BHMT: variants seen among roughly 807,000 people sequenced by gnomAD.
The protein encoded by BHMT is betaine--homocysteine S-methyltransferase 1.
BHMT carries 38 observed loss-of-function variants against 49.5 expected under a neutral mutation model. The ratio of observed to expected loss-of-function variants is 0.77; its 90% CI spans 0.59 to 1.01. The LOEUF (loss-of-function observed/expected upper bound fraction) is 1.01. Among genes scored for constraint, BHMT ranks in the 50% least tolerant of loss-of-function variants. The pLI is 0.00. For missense variants in BHMT, 426 were observed against 495.7 expected, an observed-to-expected ratio of 0.86 and a Z score of 1.34; for synonymous variants, 166 against 176.3, an observed-to-expected ratio of 0.94 and a Z score of 0.46.
chr5:79,128,098 A>T, intron 7 of BHMT, 115 bp downstream of exon 7: 1 of 1,265,492 alleles, frequency 7.9e-7, no homozygotes, highest in Non-Finnish European at 1.1e-6. Flanking sequence ...GTCATCCCCA[A>T]ATTCTCTCCC....
rs754922928 is a variant in BHMT, at chr5:79,131,116, G to T, written c.1221G>T (p.Ter407TyrextTer3). ...LFEKQKFKSQ[*>Y] ...AAAAACAAAAATTCAAATCACAGTAGCCTCGATAGAAGCTATTTTTGATGA... is the reference window on the plus strand; with the variant it reads ...AAAAACAAAAATTCAAATCACAGTATCCTCGATAGAAGCTATTTTTGATGA... Residue 407 changes from the stop codon to tyrosine, a stop_lost, in exon 8 of 8, where the codon TAG (stop) becomes TAT (tyrosine). Transcript: ENST00000274353. The T allele has an allele frequency of 5.0e-6, 8 of 1,608,138 alleles. No homozygotes were observed. In the Admixed American group the frequency reaches 8.5e-5, roughly 17 times the overall value.
chr5:79,123,274 G>A (rs1756500176), intron 5 of BHMT, among the ~76,000 whole-genome samples: 1 of 152,054 alleles, frequency 6.6e-6, no homozygotes, highest in African/African-American at 2.4e-5. Flanking sequence ...GGGGAGTGAG[G>A]CCTACTTGGA....
At position 79,131,004 on chromosome 5, in the gene BHMT, C is replaced by CTGGGG. The variant is rs1244741166; in HGVS notation, c.1109_1110insTGGGG (p.Asp371GlyfsTer7). The CTGGGG allele has an allele frequency of 4.3e-6, 7 of 1,613,946 alleles. No individual in the cohort carries two copies. The South Asian group carries it at 6.6e-5, about 15-fold the overall frequency. ...CCATACAACCCTTCAATGTCAAAGC[C>CTGGGG]AGATGGCTGGGGAGTGACCAAAGGA... is the stretch of plus-strand genomic sequence containing the variant. On this transcript the variant is annotated frameshift_variant, in exon 8 of 8. Coordinates refer to ENST00000274353, the MANE Select transcript of BHMT (RefSeq NM_001713.3). LOFTEE classifies it high-confidence loss of function.
intron 2 of BHMT, among the ~76,000 whole-genome samples, chr5:79,117,726 C>G (rs2112724281): frequency 6.6e-6 from 1 of 152,306 alleles, no homozygotes; most frequent in East Asian, 1.9e-4. Context: ...ATTTCCTAGC[C>G]TGTCATATAG....
intron 7 of BHMT, chr5:79,128,200 G>C (rs1756581300): frequency 1.5e-6 from 1 of 676,808 alleles, no homozygotes; most frequent in Non-Finnish European, 2.3e-6. Context: ...ATTTTGAAAA[G>C]AAAAAGAAAA....
Position 79,111,821 on chromosome 5 carries a change from C to A in BHMT, c.-65C>A. The A allele has an allele frequency of 6.2e-7, 1 of 1,600,600 alleles. No individual in the cohort carries two copies. The highest frequency in any genetic ancestry group is 1.1e-5 in the South Asian group (1 of 89,310). On this transcript the variant is annotated 5_prime_UTR_variant, in exon 1 of 8. Coordinates refer to ENST00000274353, the MANE Select transcript of BHMT (RefSeq NM_001713.3). ...GCGGACTCGGAGCAGCTCGGGGCTG[C>A]GCAGCGGGAAGGCTCGCCTAGTCGG...
chr5:79,121,672 G>T (rs1053802994), intron 5 of BHMT, among the ~76,000 whole-genome samples: 4 of 151,468 alleles, frequency 2.6e-5, no homozygotes, highest in African/African-American at 9.7e-5. Context: ...AAAATTAGCC[G>T]GGACTGGTGG....
At chr5:79,125,339 C>G (rs1281390199) in intron 5 of BHMT, among the ~76,000 whole-genome samples, 2 of 151,552 alleles carry the variant, frequency 1.3e-5, no homozygotes, top group African/African-American at 4.9e-5. Context: ...GCCTATAGTC[C>G]CAGCTACTCA....
chr5:79,126,277 A>T, intron 6 of BHMT, 49 bp downstream of exon 6: 2 of 1,578,514 alleles, frequency 1.3e-6, no homozygotes, highest in Non-Finnish European at 1.7e-6. Flanking sequence ...TTTGATATGC[A>T]TATAAACTCA....
Position 79,131,060 on chromosome 5 carries a change from A to G in BHMT, c.1165A>G (p.Thr389Ala). ...CGAGCTGATGCAGCAGAAAGAAGCC[A>G]CAACTGAGCAGCAGCTGAAAGAGCT... is the stretch of plus-strand genomic sequence containing the variant. ...TAELMQQKEA[T>A]TEQQLKELFE... Residue 389 changes from threonine (T) to alanine (A), a missense_variant, in exon 8 of 8, where the codon ACA becomes GCA. Coordinates refer to ENST00000274353, the MANE Select transcript of BHMT (RefSeq NM_001713.3). 2 of 1,613,938 alleles carry G rather than the reference A, an allele frequency of 1.2e-6. No individual in the cohort carries two copies. Among genetic ancestry groups the G allele is most frequent in the South Asian group, 2.2e-5 (2 of 91,048 alleles).
intron 1 of BHMT, among the ~76,000 whole-genome samples, chr5:79,112,261 G>C (rs974816604): frequency 1.3e-5 from 2 of 152,206 alleles, no homozygotes; most frequent in African/African-American, 4.8e-5. Flanking sequence ...CCTGACGGCT[G>C]GGTGTCCCCA....
At chr5:79,112,098 G>A (rs1756310623) in intron 1 of BHMT, among the ~76,000 whole-genome samples, 180 bp downstream of exon 1, 1 of 152,050 alleles carries the variant, frequency 6.6e-6, no homozygotes, top group Non-Finnish European at 1.5e-5. Context: ...AGGACCCCAA[G>A]GCGCCTCTGA....
intron 7 of BHMT, among the ~76,000 whole-genome samples, chr5:79,129,321 G>A (rs1756601038): frequency 6.6e-6 from 1 of 152,194 alleles, no homozygotes; most frequent in South Asian, 2.1e-4. Context: ...GAGAGAGGGT[G>A]AATGAAGGAT....
chr5:79,128,113 A>G, intron 7 of BHMT, 130 bp downstream of exon 7: 1 of 1,122,698 alleles, frequency 8.9e-7, no homozygotes, highest in Non-Finnish European at 1.3e-6. Flanking sequence ...TCTCCCAGAG[A>G]TGTTTACAAA....
intron 2 of BHMT, among the ~76,000 whole-genome samples, chr5:79,118,803 G>A (rs2112725135): frequency 6.6e-6 from 1 of 152,288 alleles, no homozygotes; most frequent in East Asian, 1.9e-4. Context: ...CAGCTCAAAT[G>A]ATTCCTCATC....
chr5:79,121,486 G>C (rs1415633239), intron 5 of BHMT, 121 bp downstream of exon 5: 19 of 1,323,798 alleles, frequency 1.4e-5, no homozygotes, highest in Admixed American at 2.8e-5. Context: ...ATTTATTTTT[G>C]TAAGAATATT....
At chr5:79,123,852 C>G (rs1756510715) in intron 5 of BHMT, among the ~76,000 whole-genome samples, 3 of 151,994 alleles carry the variant, frequency 2.0e-5, no homozygotes, top group South Asian at 2.1e-4. Flanking sequence ...GCACCTGGCC[C>G]AAAAAAGTCC....
intron 1 of BHMT, 91 bp from the exon 2 acceptor site, chr5:79,115,676 T>C: frequency 1.5e-6 from 2 of 1,373,164 alleles, no homozygotes; most frequent in South Asian, 1.8e-5. Flanking sequence ...TAACCACACA[T>C]CTCCAAGAAT....
At chr5:79,122,427 A>G (rs1756486573) in intron 5 of BHMT, among the ~76,000 whole-genome samples, 3 of 152,316 alleles carry the variant, frequency 2.0e-5, no homozygotes, top group Admixed American at 2.0e-4. Context: ...GTCAGGAACA[A>G]TGTCCTTTAT....
Sources: allele counts gnomAD v4.1 joint callset (sites outside exome capture counted in the v4.1 genomes callset), GRCh38; gene constraint gnomAD v4.1.1; transcripts MANE v1.5; gene names NCBI Gene and HGNC (gene_info 2026-07-23, HGNC 2026-07-21).